CNTNAP3B: variants seen among roughly 807,000 people sequenced by gnomAD.
The protein encoded by CNTNAP3B is contactin associated protein family member 3B.
Under a neutral mutation model 108.9 loss-of-function variants are expected in CNTNAP3B, and 25 were observed. That is an observed-to-expected ratio of 0.23 (90% CI 0.17 to 0.32). The LOEUF (loss-of-function observed/expected upper bound fraction) is 0.32. Ranked by LOEUF, CNTNAP3B falls within the 10% of genes least tolerant of loss-of-function variation. The probability of loss-of-function intolerance (pLI) is 1.00; values close to 1 mark genes in which losing one functional copy is unlikely to be tolerated. For synonymous variants in CNTNAP3B, 103 were observed against 473.4 expected (o/e 0.22, Z 10.16); for missense variants, 252 against 1,210.4 (o/e 0.21, Z 11.75).
At chr9:41,918,247 C>A (rs1033163339) in intron 18 of CNTNAP3B, among the ~76,000 whole-genome samples, 8 of 150,532 alleles carry the variant, frequency 5.3e-5, no homozygotes, top group Admixed American at 5.3e-4. Flanking sequence ...GACCAACCCT[C>A]CTTCAAGGTC....
Position 41,996,376 on chromosome 9 carries a change from A to T in CNTNAP3B, c.928-28T>A, listed in dbSNP as rs1825902013. 6 of 1,410,278 alleles carry T rather than the reference A, an allele frequency of 4.3e-6. 1 individual carries two copies. In the South Asian group the frequency reaches 7.6e-5, roughly 18 times the overall value. 87.4% of individuals were successfully genotyped at this position (1,410,278 alleles called of 1,614,324 possible). ...TAGAAAGAAAAATGACATAAATAACATTGTTTAGTGATTTTCTGATGGTAC... is the reference window on the plus strand; with the variant it reads ...TAGAAAGAAAAATGACATAAATAACTTTGTTTAGTGATTTTCTGATGGTAC... On this transcript the variant is annotated intron_variant, in intron 6 of 23. Transcript: ENST00000377561.
At chr9:42,067,083 C>T (rs2118585552) in intron 3 of CNTNAP3B, among the ~76,000 whole-genome samples, 1 of 152,098 alleles carries the variant, frequency 6.6e-6, no homozygotes, top group South Asian at 2.1e-4. Context: ...AGTATTAAAA[C>T]ATTTTTGTAT....
intron 15 of CNTNAP3B, among the ~76,000 whole-genome samples, chr9:41,927,617 G>C (rs1233046590): frequency 6.7e-5 from 10 of 150,070 alleles, no homozygotes; most frequent in Non-Finnish European, 1.5e-5. Context: ...AGAACACAAG[G>C]AAAGAAAAAT....
At chr9:41,924,977 G>T (rs1422652448) in intron 15 of CNTNAP3B, among the ~76,000 whole-genome samples, 1 of 151,908 alleles carries the variant, frequency 6.6e-6, no homozygotes, top group African/African-American at 2.4e-5. Context: ...CAGAAGGGCT[G>T]CTGTGTTCTC....
At chr9:41,978,909 G>A (rs1424051311) in intron 9 of CNTNAP3B, among the ~76,000 whole-genome samples, 1 of 147,334 alleles carries the variant, frequency 6.8e-6, no homozygotes, top group African/African-American at 2.6e-5. Flanking sequence ...TCGTCACATA[G>A]TATACCTTAA....
At chr9:41,972,895 C>G (rs563158957) in intron 9 of CNTNAP3B, among the ~76,000 whole-genome samples, 1 of 129,854 alleles carries the variant, frequency 7.7e-6, no homozygotes, top group Non-Finnish European at 1.6e-5. Context: ...GCTAATCTTT[C>G]TTTCACCATG....
intron 9 of CNTNAP3B, among the ~76,000 whole-genome samples, chr9:41,977,764 C>T (rs1355367386): frequency 1.3e-4 from 16 of 119,564 alleles, no homozygotes; most frequent in South Asian, 5.7e-4. Flanking sequence ...GGACTACAGG[C>T]GCCCACCACC....
Position 41,998,389 on chromosome 9 carries a change from GT to G in CNTNAP3B, c.742+11del. On this transcript the variant is annotated intron_variant, in intron 5 of 23. Transcript: ENST00000377561. Reference sequence around the variant, plus strand: ...TTTTAACTACTGGTATAAAGTTCAAGTATTTTTTTACCTGAATTAAGAAAAA... The same window carrying G: ...TTTTAACTACTGGTATAAAGTTCAAGATTTTTTTACCTGAATTAAGAAAAA... The G allele has an allele frequency of 1.2e-6, 2 of 1,612,776 alleles. No individual in the cohort carries two copies. Among genetic ancestry groups the G allele is most frequent in the East Asian group, 4.5e-5 (2 of 44,794 alleles).
At chr9:41,940,363 A>T (rs1398664619) in intron 13 of CNTNAP3B, among the ~76,000 whole-genome samples, 2 of 152,286 alleles carry the variant, frequency 1.3e-5, no homozygotes, top group Non-Finnish European at 2.9e-5. Context: ...ATAACACATT[A>T]CCTGCCTGTA....
chr9:42,089,871 C>G (rs1361659390), intron 2 of CNTNAP3B, among the ~76,000 whole-genome samples: 1 of 140,010 alleles, frequency 7.1e-6, no homozygotes, highest in Non-Finnish European at 1.5e-5. Context: ...TTCAAACCCA[C>G]GGGCTTGCTC....
intron 10 of CNTNAP3B, among the ~76,000 whole-genome samples, chr9:41,969,716 C>T (rs1364498932): frequency 9.9e-4 from 148 of 149,654 alleles, no homozygotes; most frequent in African/African-American, 3.6e-3. Context: ...CTCCCGGGTT[C>T]ATGCCATTCT....
At chr9:41,928,688 G>A (rs1181767927) in intron 15 of CNTNAP3B, among the ~76,000 whole-genome samples, 1 of 152,018 alleles carries the variant, frequency 6.6e-6, no homozygotes, top group Non-Finnish European at 1.5e-5. Flanking sequence ...CCACGGCAAT[G>A]TATGATGCTA....
At chr9:42,125,825 C>T in intron 1 of CNTNAP3B, among the ~76,000 whole-genome samples, 1 of 130,510 alleles carries the variant, frequency 7.7e-6, no homozygotes, top group East Asian at 2.4e-4. Flanking sequence ...ACCGTGTTGT[C>T]CAGGCTGGTT....
chr9:42,113,051 G>A lies in CNTNAP3B; in HGVS notation c.86-8312C>T, dbSNP rs140127948. The stretch of plus-strand genomic sequence containing the variant: ...ATTACAGGCGTGAGCCACCATGCCC[G>A]GTCAAGTTTACATAAATTTAAGCAT... On this transcript the variant is annotated intron_variant, in intron 1 of 23. Transcript: ENST00000377561. 8.8e-3 allele frequency among the ~76,000 whole-genome samples: 1,172 copies of A among 133,612 alleles called. 175 individuals carry two copies. Among genetic ancestry groups the A allele is most frequent in the African/African-American group, 0.034 (1,125 of 33,202 alleles). 87.7% of individuals were successfully genotyped at this position (133,612 alleles called of 152,430 possible).
intron 12 of CNTNAP3B, among the ~76,000 whole-genome samples, chr9:41,959,516 C>T (rs1374639315): frequency 1.3e-5 from 2 of 152,308 alleles, no homozygotes; most frequent in East Asian, 1.9e-4. Context: ...CAAGGTCCTT[C>T]CTGGTTGTGA....
chr9:42,112,116 G>T (rs1828203731), intron 1 of CNTNAP3B, among the ~76,000 whole-genome samples: 1 of 139,640 alleles, frequency 7.2e-6, no homozygotes, highest in East Asian at 2.2e-4. Flanking sequence ...AATTGGAGTG[G>T]TCTTCTCACT....
Position 42,034,163 on chromosome 9 carries a change from T to C in CNTNAP3B, c.391-20638A>G, listed in dbSNP as rs1587216275. Among the ~76,000 whole-genome samples the C allele has an allele frequency of 1.6e-5, 2 of 125,692 alleles. 1 individual carries two copies. Among genetic ancestry groups the C allele is most frequent in the Non-Finnish European group, 3.3e-5 (2 of 60,780 alleles). The allele number at this position is 125,692 out of a possible 152,430, so 82.5% of individuals were successfully genotyped here. A position where few individuals can be genotyped will look rare whatever the true frequency, so the allele number is the denominator to read the frequency against. On this transcript the variant is annotated intron_variant, in intron 3 of 23. Coordinates refer to ENST00000377561, the MANE Select transcript of CNTNAP3B (RefSeq NM_001201380.3). The stretch of plus-strand genomic sequence containing the variant: ...TATGTGTACATAATCTACCTATTTA[T>C]CTATATGTATGTATGTATATATGTA...
At chr9:42,075,705 C>T (rs1345484853) in intron 3 of CNTNAP3B, among the ~76,000 whole-genome samples, 1 of 128,958 alleles carries the variant, frequency 7.8e-6, no homozygotes, top group African/African-American at 3.1e-5. Context: ...ACGATGCAGA[C>T]TCTATATGAG....
intron 1 of CNTNAP3B, among the ~76,000 whole-genome samples, chr9:42,117,652 A>G (rs887003504): frequency 7.3e-6 from 1 of 136,704 alleles, no homozygotes; most frequent in Non-Finnish European, 1.6e-5. Flanking sequence ...AAAAGCTAGC[A>G]GAAGGCAAGA....
Sources: allele counts gnomAD v4.1 joint callset (sites outside exome capture counted in the v4.1 genomes callset), GRCh38; gene constraint gnomAD v4.1.1; transcripts MANE v1.5; gene names NCBI Gene and HGNC (gene_info 2026-07-23, HGNC 2026-07-21).